UGT2A1: variants seen among roughly 807,000 people sequenced by gnomAD.
UGT2A1 encodes the protein UDP glucuronosyltransferase family 2 member A1 complex locus.
UGT2A1 carries 61 observed loss-of-function variants against 45.4 expected under a neutral mutation model. The observed-to-expected ratio is 1.34, with a 90% CI of 1.09 to 1.66. UGT2A1 has a LOEUF of 1.66. UGT2A1 is among the 40% of genes most tolerant of loss of function. The pLI, the probability that UGT2A1 is intolerant of heterozygous loss-of-function variation, is 0.00. For synonymous variants in UGT2A1, 229 were observed against 196.2 expected, an observed-to-expected ratio of 1.17 and a Z score of -1.40; for missense variants, 649 against 574.3, an observed-to-expected ratio of 1.13 and a Z score of -1.33.
At chr4:69,611,698 T>C (rs1720070424) in intron 3 of UGT2A1, among the ~76,000 whole-genome samples, 1 of 152,054 alleles carries the variant, frequency 6.6e-6, no homozygotes. Context: ...CCTTTACAAA[T>C]CACTTTTGAG....
intron 1 of UGT2A1, among the ~76,000 whole-genome samples, chr4:69,651,251 T>C (rs764340511): frequency 1.3e-5 from 2 of 152,206 alleles, no homozygotes; most frequent in African/African-American, 4.8e-5. Context: ...AATGTGGGTC[T>C]GAATTTGTGT....
At chr4:69,590,166 C>T (rs4148309) in intron 6 of UGT2A1, among the ~76,000 whole-genome samples, 32,906 of 151,922 alleles carry the variant, frequency 0.22, 3,680 homozygotes, top group Middle Eastern at 0.31. Context: ...ATGTTTGTGA[C>T]GAAAAGGACA....
chr4:69,634,307 C>T (rs781736654), intron 3 of UGT2A1, among the ~76,000 whole-genome samples: 40 of 151,808 alleles, frequency 2.6e-4, no homozygotes, highest in Non-Finnish European at 4.7e-4. Context: ...CAACACTGAT[C>T]ACAGGAAAGC....
At chr4:69,603,273 T>C (rs1306582311) in intron 3 of UGT2A1, among the ~76,000 whole-genome samples, 1 of 134,864 alleles carries the variant, frequency 7.4e-6, no homozygotes, top group East Asian at 2.1e-4. Flanking sequence ...CAAGAACTAA[T>C]ATAAAGGAAA....
rs116775516 is a variant in UGT2A1, at chr4:69,601,072, C to T, written c.848-1678G>A. Among the ~76,000 whole-genome samples, 1,277 of 152,182 alleles carry T rather than the reference C, an allele frequency of 8.4e-3. 20 individuals are homozygous for T. Among genetic ancestry groups the T allele is most frequent in the African/African-American group, 0.029 (1,204 of 41,520 alleles). On this transcript the variant is annotated intron_variant, in intron 3 of 6. Transcript: ENST00000286604. ...GTGCCTGGAATCCAGTTACCTGATG[C>T]TAGTGGAATACTGCAAATGTGAGAA...
At chr4:69,635,131 A>C (rs190774438) in intron 3 of UGT2A1, among the ~76,000 whole-genome samples, 187 of 152,326 alleles carry the variant, frequency 1.2e-3, no homozygotes, top group Non-Finnish European at 1.7e-3. Context: ...AAAAATAAAA[A>C]TAAATTTAAA....
intron 3 of UGT2A1, among the ~76,000 whole-genome samples, chr4:69,610,780 G>A (rs939098646): frequency 6.6e-6 from 1 of 152,096 alleles, no homozygotes; most frequent in African/African-American, 2.4e-5. Flanking sequence ...AAACAGACCT[G>A]GCAAACCCTG....
chr4:69,642,226 G>T (rs962159192), intron 2 of UGT2A1, among the ~76,000 whole-genome samples: 1 of 151,800 alleles, frequency 6.6e-6, no homozygotes, highest in African/African-American at 2.4e-5. Context: ...AAAAGATAGA[G>T]TGATCACTAT....
chr4:69,599,532 T>C (rs1311147828), intron 3 of UGT2A1, 138 bp from the exon 4 acceptor site: 10 of 1,218,634 alleles, frequency 8.2e-6, no homozygotes, highest in Middle Eastern at 4.0e-4. Context: ...ATCATGTTTA[T>C]ATATTAAGAA....
intron 3 of UGT2A1, among the ~76,000 whole-genome samples, chr4:69,614,811 T>C (rs1322203038): frequency 6.6e-6 from 1 of 151,986 alleles, no homozygotes; most frequent in African/African-American, 2.4e-5. Context: ...CACATTACTA[T>C]AAAGAACTAT....
Position 69,606,928 on chromosome 4 carries a change from C to A in UGT2A1, c.848-7534G>T, listed in dbSNP as rs535267180. ...TCAATGAAATAAAAGAGGATACAAA[C>A]AAATGGAAGAACATTCCATGCTCAT... On this transcript the variant is annotated intron_variant, in intron 3 of 6. Coordinates refer to ENST00000286604, the MANE Select transcript of UGT2A1 (RefSeq NM_001252275.3). 1.3e-4 allele frequency among the ~76,000 whole-genome samples: 18 copies of A among 136,472 alleles called. 1 individual carries two copies. The South Asian group carries it at 4.4e-3, about 33-fold the overall frequency. 89.5% of individuals were successfully genotyped at this position (136,472 alleles called of 152,430 possible).
At chr4:69,599,562 A>T in intron 3 of UGT2A1, 168 bp from the exon 4 acceptor site, 1 of 1,016,372 alleles carries the variant, frequency 9.8e-7, no homozygotes, top group Non-Finnish European at 1.3e-6. Flanking sequence ...ATTAAAGAGG[A>T]TGGAAGAAAG....
At position 69,605,395 on chromosome 4, in the gene UGT2A1, C is replaced by G. The variant is rs1231578226; in HGVS notation, c.848-6001G>C. ...TAACGACAACAAAGACACAACATACCAGAATCTCTGGGACACATTCAAAGC... is the reference window on the plus strand; with the variant it reads ...TAACGACAACAAAGACACAACATACGAGAATCTCTGGGACACATTCAAAGC... On this transcript the variant is annotated intron_variant, in intron 3 of 6. Transcript: ENST00000286604. 1.5e-5 allele frequency among the ~76,000 whole-genome samples: 2 copies of G among 136,620 alleles called. 1 individual carries two copies. Among genetic ancestry groups the G allele is most frequent in the Non-Finnish European group, 3.1e-5 (2 of 64,288 alleles). 89.6% of individuals were successfully genotyped at this position (136,620 alleles called of 152,430 possible). A position where few individuals can be genotyped will look rare whatever the true frequency, so the allele number is the denominator to read the frequency against.
intron 3 of UGT2A1, among the ~76,000 whole-genome samples, chr4:69,601,777 A>T (rs1266215512): frequency 1.4e-5 from 2 of 138,874 alleles, no homozygotes; most frequent in African/African-American, 5.8e-5. Flanking sequence ...AGGTCATATC[A>T]CTGGATCCCT....
chr4:69,594,594 T>C lies in UGT2A1; in HGVS notation c.1187A>G (p.Asp396Gly). The C allele has an allele frequency of 6.2e-7, 1 of 1,614,152 alleles. No individual in the cohort carries two copies. Among genetic ancestry groups the C allele is most frequent in the Non-Finnish European group, 8.5e-7 (1 of 1,180,032 alleles). Residue 396 changes from aspartate to glycine, a missense_variant, in exon 6 of 7, where the codon GAT becomes GGT. Transcript: ENST00000286604. ...VPMVGVPMFA[D>G]QPDNIAHMKA... ...CATGTGAGCAATGTTATCAGGCTGA[T>C]CAGCAAACATGGGAACTCCCACCAT...
intron 2 of UGT2A1, among the ~76,000 whole-genome samples, chr4:69,644,050 CTT>C (rs1722150993): frequency 1.3e-5 from 2 of 151,484 alleles, no homozygotes; most frequent in African/African-American, 4.8e-5. Flanking sequence ...TAAAGACAAA[CTT>C]AAGTAGTCAT....
chr4:69,600,747 G>A (rs1719234724), intron 3 of UGT2A1, among the ~76,000 whole-genome samples: 1 of 151,986 alleles, frequency 6.6e-6, no homozygotes, highest in African/African-American at 2.4e-5. Context: ...CAGAGCAGCA[G>A]GTTGTTTTGC....
chr4:69,617,771 C>G (rs116632529), intron 3 of UGT2A1, among the ~76,000 whole-genome samples: 1,995 of 151,772 alleles, frequency 0.013, 41 homozygotes, highest in African/African-American at 0.046. Context: ...CACTTACTAT[C>G]TAGGATTTTC....
chr4:69,624,788 T>C (rs921397449), intron 3 of UGT2A1, among the ~76,000 whole-genome samples: 1 of 151,408 alleles, frequency 6.6e-6, no homozygotes, highest in African/African-American at 2.4e-5. Context: ...AATAAATATC[T>C]GTAGTTATCA....
Sources: allele counts gnomAD v4.1 joint callset (sites outside exome capture counted in the v4.1 genomes callset), GRCh38; gene constraint gnomAD v4.1.1; transcripts MANE v1.5; gene names NCBI Gene and HGNC (gene_info 2026-07-23, HGNC 2026-07-21).